Variants in ZNF516 observed in about 807,000 individuals in gnomAD.
ZNF516 encodes zinc finger protein 516.
Under a neutral mutation model 79.7 loss-of-function variants are expected in ZNF516, and 19 were observed. The observed-to-expected ratio is 0.24, with a 90% CI of 0.17 to 0.35. The LOEUF (loss-of-function observed/expected upper bound fraction) is 0.35, where lower values mean the gene tolerates loss of function less well. Among genes scored for constraint, ZNF516 ranks in the 10% least tolerant of loss-of-function variants. The probability of loss-of-function intolerance (pLI) is 1.00; values close to 1 mark genes in which losing one functional copy is unlikely to be tolerated. For missense variants in ZNF516, 1,678 were observed against 1,679.5 expected, an observed-to-expected ratio of 1.00 and a Z score of 0.02; for synonymous variants, 877 against 739.5, an observed-to-expected ratio of 1.19 and a Z score of -3.02.
intron 2 of ZNF516, among the ~76,000 whole-genome samples, chr18:76,450,650 T>C (rs561984883): frequency 3.3e-5 from 5 of 152,228 alleles, no homozygotes; most frequent in Admixed American, 1.3e-4. Flanking sequence ...GCATTCTGAG[T>C]GTATTCTGGC....
chr18:76,373,729 A>G (rs191079427), intron 4 of ZNF516, among the ~76,000 whole-genome samples: 61 of 152,356 alleles, frequency 4.0e-4, no homozygotes, highest in Admixed American at 6.5e-4. Context: ...ACACACACAC[A>G]CGCAGGCGTA....
At chr18:76,426,405 T>C (rs1599070426) in intron 3 of ZNF516, among the ~76,000 whole-genome samples, 2 of 152,346 alleles carry the variant, frequency 1.3e-5, no homozygotes, top group Middle Eastern at 3.4e-3. Context: ...AGAAAAGGTT[T>C]ACTCACAAGA....
At chr18:76,378,524 C>T (rs2074825233) in intron 4 of ZNF516, among the ~76,000 whole-genome samples, 1 of 152,242 alleles carries the variant, frequency 6.6e-6, no homozygotes, top group East Asian at 1.9e-4. Flanking sequence ...CGGCCTGCTC[C>T]TGCGGAATGT....
intron 1 of ZNF516, among the ~76,000 whole-genome samples, chr18:76,487,219 G>A (rs1914882148): frequency 6.6e-6 from 1 of 152,168 alleles, no homozygotes; most frequent in Admixed American, 6.5e-5. Context: ...TCTCAGGCTA[G>A]ACATAAATAC....
chr18:76,367,435 CCT>C (rs1568229281), intron 6 of ZNF516, among the ~76,000 whole-genome samples: 1 of 152,206 alleles, frequency 6.6e-6, no homozygotes, highest in Non-Finnish European at 1.5e-5. Context: ...CTCTCTATCC[CCT>C]GTGGGAAGAA....
In ZNF516 at chr18:76,442,096, T is replaced by C. The variant is rs2145549736; in HGVS notation, c.959A>G (p.Asn320Ser). The C allele has an allele frequency of 6.2e-7, 1 of 1,613,974 alleles. No individual in the cohort carries two copies. Among genetic ancestry groups the C allele is most frequent in the Admixed American group, 1.7e-5 (1 of 60,028 alleles). Reference sequence around the variant, plus strand: ...GACGATCACCTCCTCCTGGACCACGTTGTTGATGGTGGCGATGGGGTCCAG... The same window carrying C: ...GACGATCACCTCCTCCTGGACCACGCTGTTGATGGTGGCGATGGGGTCCAG... ...SELDPIATINNVVQEEVIVAG... is the reference protein window; with the variant it reads ...SELDPIATINSVVQEEVIVAG... The change falls in exon 3 of 7, where the codon AAC (asparagine) becomes AGC (serine). Residue 320 changes from asparagine (N) to serine (S), a missense_variant. Physicochemically the swap from Asn to Ser is conservative, Grantham distance 46. This residue lies in a region of ZNF516 where 1,294 missense variants were observed against 1,248.3 expected (regional missense o/e 1.04). Coordinates refer to ENST00000443185, the MANE Select transcript of ZNF516 (RefSeq NM_014643.4).
upstream of ZNF516, chr18:76,496,264 ATCTTC>A (rs1915478595): frequency 7.8e-7 from 1 of 1,285,444 alleles, no homozygotes; most frequent in African/African-American, 1.5e-5. Flanking sequence ...GGGTAACACT[ATCTTC>A]TCCCACCAGG....
chr18:76,446,783 G>T (rs1464248885), intron 2 of ZNF516, among the ~76,000 whole-genome samples: 1 of 152,122 alleles, frequency 6.6e-6, no homozygotes, highest in East Asian at 1.9e-4. Context: ...CTACCTCTCC[G>T]CCTGTCCCAT....
upstream of ZNF516, chr18:76,495,682 G>C: frequency 3.4e-6 from 4 of 1,187,838 alleles, no homozygotes; most frequent in Non-Finnish European, 4.3e-6. Flanking sequence ...GCGCACACGC[G>C]CATCCATACG....
Position 76,442,763 on chromosome 18 carries a change from C to G in ZNF516, c.292G>C (p.Gly98Arg), listed in dbSNP as rs773881328. 5 of 1,591,910 alleles carry G rather than the reference C, an allele frequency of 3.1e-6. No individual in the cohort carries two copies. In the South Asian group the frequency reaches 3.4e-5, roughly 11 times the overall value. ...CGCATCTCACCCAGCGGCGCCTCGCCCGCCTCCGGCTCGTGTCCCTGAATC... is the reference window on the plus strand; with the variant it reads ...CGCATCTCACCCAGCGGCGCCTCGCGCGCCTCCGGCTCGTGTCCCTGAATC... The part of the protein sequence containing the change: ...TLIQGHEPEA[G>R]EAPLGEMRAS... Residue 98 changes from glycine (G) to arginine (R), a missense_variant, in exon 3 of 7, where the codon GGC becomes CGC. This residue lies in a region of ZNF516 where 279 missense variants were observed against 254.1 expected (regional missense o/e 1.10). Coordinates refer to ENST00000443185, the MANE Select transcript of ZNF516 (RefSeq NM_014643.4).
intron 3 of ZNF516, among the ~76,000 whole-genome samples, chr18:76,400,330 C>T (rs570779128): frequency 2.0e-5 from 3 of 152,280 alleles, no homozygotes; most frequent in Admixed American, 6.5e-5. Flanking sequence ...CAATTATTGT[C>T]ATTCTTTGGG....
intron 3 of ZNF516, among the ~76,000 whole-genome samples, chr18:76,421,825 G>A (rs1025339305): frequency 1.3e-5 from 2 of 152,192 alleles, no homozygotes; most frequent in Admixed American, 1.3e-4. Flanking sequence ...TCAAAGCAAA[G>A]ACAAGTTTCT....
At chr18:76,424,882 C>T (rs2075571435) in intron 3 of ZNF516, among the ~76,000 whole-genome samples, 1 of 147,084 alleles carries the variant, frequency 6.8e-6, no homozygotes, top group Non-Finnish European at 1.5e-5. Context: ...ATGAAACACA[C>T]ATGCAGGTGA....
chr18:76,449,175 GGTCTCCACCA>G (rs1912246751), intron 2 of ZNF516, among the ~76,000 whole-genome samples: 1 of 152,124 alleles, frequency 6.6e-6, no homozygotes, highest in South Asian at 2.1e-4. Flanking sequence ...AGATGGGGCC[GGTCTCCACCA>G]GTCTCCCAGC....
At chr18:76,418,467 G>A (rs1032150132) in intron 3 of ZNF516, among the ~76,000 whole-genome samples, 17 of 146,802 alleles carry the variant, frequency 1.2e-4, no homozygotes, top group South Asian at 4.2e-4. Flanking sequence ...GCTGTAACAC[G>A]CTACAACATG....
chr18:76,446,536 A>G (rs1444861154), intron 2 of ZNF516, among the ~76,000 whole-genome samples: 1 of 152,184 alleles, frequency 6.6e-6, no homozygotes, highest in African/African-American at 2.4e-5. Context: ...CATCGGACCC[A>G]TCCAATCCTT....
At chr18:76,408,546 G>C (rs1221162712) in intron 3 of ZNF516, among the ~76,000 whole-genome samples, 1 of 152,194 alleles carries the variant, frequency 6.6e-6, no homozygotes, top group Non-Finnish European at 1.5e-5. Flanking sequence ...AACGTCTAAA[G>C]GCGGAAGGTG....
intron 3 of ZNF516, chr18:76,385,730 G>A (rs892646226): frequency 6.6e-6 from 1 of 152,218 alleles, no homozygotes; most frequent in South Asian, 2.1e-4. Context: ...GCCCAGCTCT[G>A]GTGATGCTGA....
chr18:76,370,828 A>T (rs1158590790), intron 5 of ZNF516, among the ~76,000 whole-genome samples: 2 of 152,228 alleles, frequency 1.3e-5, no homozygotes, highest in African/African-American at 2.4e-5. Context: ...AATCACTGAC[A>T]ACATTAATTA....
Sources: allele counts gnomAD v4.1 joint callset (sites outside exome capture counted in the v4.1 genomes callset), GRCh38; gene constraint gnomAD v4.1.1; regional missense constraint gnomAD v4.1.1; transcripts MANE v1.5; gene names NCBI Gene and HGNC (gene_info 2026-07-23, HGNC 2026-07-21).